Variants in ARAP3 observed in about 807,000 individuals in gnomAD.
ARAP3 encodes the protein arf-GAP with Rho-GAP domain, ANK repeat and PH domain-containing protein 3.
Under a neutral mutation model 169.2 loss-of-function variants are expected in ARAP3, and 82 were observed. The ratio of observed to expected loss-of-function variants is 0.48; its 90% CI spans 0.41 to 0.58. The LOEUF (loss-of-function observed/expected upper bound fraction) is 0.58. Among genes scored for constraint, ARAP3 ranks in the 20% least tolerant of loss-of-function variants. ARAP3 has a pLI of 0.00. For synonymous variants in ARAP3, 791 were observed against 800.3 expected, an observed-to-expected ratio of 0.99 and a Z score of 0.20; for missense variants, 1,764 against 2,018.0, an observed-to-expected ratio of 0.87 and a Z score of 2.41.
At position 141,655,861 on chromosome 5, in the gene ARAP3, C is replaced by A; in HGVS notation, c.3972+8G>T. 1 of 1,614,038 alleles carries A rather than the reference C, an allele frequency of 6.2e-7. No individual in the cohort carries two copies. On this transcript the variant is annotated splice_region_variant and intron_variant, in intron 30 of 32. Coordinates refer to ENST00000239440, the MANE Select transcript of ARAP3 (RefSeq NM_022481.6). ...AGACCCAGCCCTCAGCCTTTTCTTT[C>A]CCCTCACCTGGGCTTTAAGGATGCT... is the stretch of plus-strand genomic sequence containing the variant.
In ARAP3 at chr5:141,672,574, G is replaced by A. The variant is rs1456269189; in HGVS notation, c.1363C>T (p.Leu455Phe). The A allele has an allele frequency of 6.2e-7, 1 of 1,614,164 alleles. No individual in the cohort carries two copies. Among genetic ancestry groups the A allele is most frequent in the East Asian group, 2.2e-5 (1 of 44,884 alleles). The change falls in exon 9 of 33, where the codon CTC (leucine) becomes TTC (phenylalanine). Residue 455 changes from leucine to phenylalanine, a missense_variant. Coordinates refer to ENST00000239440, the MANE Select transcript of ARAP3 (RefSeq NM_022481.6). The surrounding 1 kb of genome is among the most constrained non-coding windows in gnomAD (Gnocchi z 4.9). ...CACCTGAAGCAGCGATGGGGTGTGA[G>A]CAGGTCAAAGCTTCGACTCTTGGTC... Reference protein sequence around the residue: ...RETKSRSFDLLTPHRCFSFTA... With the variant: ...RETKSRSFDLFTPHRCFSFTA...
At chr5:141,661,067 CTTTTTTT>C (rs562593165) in intron 21 of ARAP3, among the ~76,000 whole-genome samples, 1 of 132,766 alleles carries the variant, frequency 7.5e-6, no homozygotes, top group Non-Finnish European at 1.6e-5. Flanking sequence ...TTTCTTTTTT[CTTTTTTT>C]TTTTTTTGAG....
intron 16 of ARAP3, among the ~76,000 whole-genome samples, chr5:141,667,571 C>G (rs973584548): frequency 1.3e-5 from 2 of 150,728 alleles, no homozygotes; most frequent in African/African-American, 4.9e-5. Context: ...GTAGCTGGGA[C>G]TATAGGCGCT....
rs539283748 is a variant in ARAP3, at chr5:141,656,261, G to T, written c.3805C>A (p.Arg1269=). 3 of 1,614,040 alleles carry T rather than the reference G, an allele frequency of 1.9e-6. No individual in the cohort carries two copies. Among genetic ancestry groups the T allele is most frequent in the Admixed American group, 1.7e-5 (1 of 60,006 alleles). The change falls in exon 28 of 33, where the codon CGG becomes AGG. Residue 1269 remains arginine (R), a synonymous_variant. Transcript: ENST00000239440. ...TTGGCACCTTCCAAAGGCCACTCCC[G>T]TTCTGGTTTAGAGCTCTGAGAACAG... is the stretch of plus-strand genomic sequence containing the variant. ...LKEKKSSKPE[R]EWPLEGAKVY... is the part of the protein sequence containing the mutation.
Position 141,671,946 on chromosome 5 carries a change from C to T in ARAP3, c.1620G>A (p.Lys540=), listed in dbSNP as rs2099911508. Residue 540 remains lysine (K), a synonymous_variant, in exon 11 of 33, where the codon AAG becomes AAA. Coordinates refer to ENST00000239440, the MANE Select transcript of ARAP3 (RefSeq NM_022481.6). This position sits in a 1 kb window ranked among gnomAD's most constrained non-coding sequence, Gnocchi z 4.9. ...TCGTGTCCAGCTTCAGGCTCTGCACCTTGGAGATCCCAGAACCCAGGGCCC... is the reference window on the plus strand; with the variant it reads ...TCGTGTCCAGCTTCAGGCTCTGCACTTTGGAGATCCCAGAACCCAGGGCCC... ...QHRALGSGIS[K]VQSLKLDTSV... 1.2e-6 allele frequency: 2 copies of T among 1,614,088 alleles called. No individual in the cohort carries two copies. Among genetic ancestry groups the T allele is most frequent in the Admixed American group, 3.3e-5 (2 of 60,012 alleles).
chr5:141,677,193 T>C (rs964975872), intron 4 of ARAP3, among the ~76,000 whole-genome samples: 1 of 152,234 alleles, frequency 6.6e-6, no homozygotes, highest in Non-Finnish European at 1.5e-5. Flanking sequence ...CATTTTAGTA[T>C]GTAATCAACA....
intron 27 of ARAP3, 95 bp downstream of exon 27, chr5:141,656,409 A>T: frequency 6.3e-7 from 1 of 1,583,416 alleles, no homozygotes; most frequent in Non-Finnish European, 8.6e-7. Context: ...AATGAGATTG[A>T]TGAGAGTATG....
intron 19 of ARAP3, among the ~76,000 whole-genome samples, chr5:141,664,393 G>T (rs2099910370): frequency 1.3e-5 from 2 of 151,832 alleles, no homozygotes; most frequent in African/African-American, 4.8e-5. Context: ...CAAAAAAAAA[G>T]CAAACAACAA....
chr5:141,679,290 A>AAAAG (rs764704373), intron 4 of ARAP3, among the ~76,000 whole-genome samples: 22 of 152,110 alleles, frequency 1.4e-4, no homozygotes, highest in African/African-American at 5.1e-4. Context: ...CTCCGTCTCA[A>AAAAG]AAAGAAAGAA....
rs773844371 is a variant in ARAP3, at chr5:141,679,529, C to T, written c.698+16G>A. 1.9e-6 allele frequency: 3 copies of T among 1,611,292 alleles called. No individual in the cohort carries two copies. Among genetic ancestry groups the T allele is most frequent in the Admixed American group, 1.7e-5 (1 of 59,664 alleles). ...ACCTGCTCCTCCCTCCCACCACTTC[C>T]CTATTTAGTACTCACCTGTGTTCAG... On this transcript the variant is annotated intron_variant, in intron 4 of 32. Coordinates refer to ENST00000239440, the MANE Select transcript of ARAP3 (RefSeq NM_022481.6).
rs537327869 is a variant in ARAP3, at chr5:141,674,057, G to A, written c.699-249C>T. The stretch of plus-strand genomic sequence containing the variant: ...CGGCTCACCACAACCTCCACCTCTC[G>A]GGTTCAAGCGATTCTCCTGCCTCAG... On this transcript the variant is annotated intron_variant, in intron 4 of 32. Transcript: ENST00000239440. Among the ~76,000 whole-genome samples, 12 of 148,908 alleles carry A rather than the reference G, an allele frequency of 8.1e-5. No homozygotes were observed. The South Asian group carries it at 1.7e-3, about 21-fold the overall frequency.
chr5:141,662,370 G>C, intron 19 of ARAP3, 115 bp from the exon 20 acceptor site: 1 of 965,842 alleles, frequency 1.0e-6, no homozygotes, highest in Non-Finnish European at 1.6e-6. Flanking sequence ...GGGATTCAGA[G>C]AGGAGGAGAT....
At chr5:141,662,864 C>T (rs2099910149) in intron 19 of ARAP3, among the ~76,000 whole-genome samples, 1 of 152,148 alleles carries the variant, frequency 6.6e-6, no homozygotes, top group South Asian at 2.1e-4. Context: ...GTTAGATTAG[C>T]TTGAGTTACA....
intron 16 of ARAP3, among the ~76,000 whole-genome samples, 164 bp downstream of exon 16, chr5:141,669,545 T>C (rs2099911151): frequency 6.6e-6 from 1 of 152,144 alleles, no homozygotes; most frequent in Non-Finnish European, 1.5e-5. Flanking sequence ...TTAAATGAGA[T>C]ATCGAGTGGG....
At position 141,679,835 on chromosome 5, in the gene ARAP3, G is replaced by T. The variant is rs1259891108; in HGVS notation, c.525-13C>A. The T allele has an allele frequency of 6.2e-7, 1 of 1,611,780 alleles. No homozygotes were observed. Among genetic ancestry groups the T allele is most frequent in the Admixed American group, 1.7e-5 (1 of 59,132 alleles). On this transcript the variant is annotated splice_polypyrimidine_tract_variant and intron_variant, in intron 2 of 32. Transcript: ENST00000239440. ...GCTGTCTGGGGCCCTGAAGGGAAAG[G>T]TCTATTGGTTACTTAAGGAGAGAGG...
intron 20 of ARAP3, 98 bp downstream of exon 20, chr5:141,661,945 T>A (rs1002919346): frequency 2.2e-5 from 33 of 1,527,536 alleles, no homozygotes; most frequent in South Asian, 4.6e-5. Flanking sequence ...TCCCCCAGGG[T>A]GGGAAGTGAT....
In ARAP3 at chr5:141,673,032, C is replaced by T. The variant is rs746268726; in HGVS notation, c.1074G>A (p.Val358=). 3.1e-6 allele frequency: 5 copies of T among 1,614,082 alleles called. No individual in the cohort carries two copies. Among genetic ancestry groups the T allele is most frequent in the African/African-American group, 1.3e-5 (1 of 74,934 alleles). Residue 358 remains valine, a synonymous_variant, in exon 7 of 33, where the codon GTG becomes GTA. Transcript: ENST00000239440. ...FQVITGQRVF[V]FRTESEAQRD... is the part of the protein sequence containing the mutation. ...CCTCACCCTCGCTCTCTGTGCGGAACACGAACACCCTCTGGCCGGTGATGA... is the reference window on the plus strand; with the variant it reads ...CCTCACCCTCGCTCTCTGTGCGGAATACGAACACCCTCTGGCCGGTGATGA...
At chr5:141,655,213 A>ACACACACACACACC (rs1192021216) in intron 32 of ARAP3, 149 bp downstream of exon 32, 3 of 593,420 alleles carry the variant, frequency 5.1e-6, no homozygotes, top group Non-Finnish European at 8.4e-6. Context: ...ACACACACAC[A>ACACACACACACACC]CCCTGATGGC....
chr5:141,662,912 C>T (rs1236104561), intron 19 of ARAP3, among the ~76,000 whole-genome samples: 2 of 152,020 alleles, frequency 1.3e-5, no homozygotes, highest in African/African-American at 4.8e-5. Context: ...ACAAATCAAA[C>T]AATATATATA....
Sources: allele counts gnomAD v4.1 joint callset (sites outside exome capture counted in the v4.1 genomes callset), GRCh38; gene constraint gnomAD v4.1.1; non-coding constraint Gnocchi (gnomAD v3.1); transcripts MANE v1.5; gene names NCBI Gene and HGNC (gene_info 2026-07-23, HGNC 2026-07-21).